The following JADE3 variants were observed in gnomAD, a reference collection of about 807,000 sequenced individuals.
JADE3 encodes jade family PHD finger 3, also known as protein Jade-3.
Under a neutral mutation model 50.1 loss-of-function variants are expected in JADE3, and 2 were observed. The observed-to-expected ratio is 0.04, with a 90% CI of 0.02 to 0.13. The LOEUF (loss-of-function observed/expected upper bound fraction) is 0.13. Ranked by LOEUF, JADE3 falls within the 10% of genes least tolerant of loss-of-function variation. The pLI, the probability that JADE3 is intolerant of heterozygous loss-of-function variation, is 1.00. For synonymous variants in JADE3, 218 were observed against 232.9 expected, an observed-to-expected ratio of 0.94 and a Z score of 0.58; for missense variants, 475 against 634.4, an observed-to-expected ratio of 0.75 and a Z score of 2.70.
chrX:46,947,181 G>A (rs1057219887), intron 1 of JADE3, among the ~76,000 whole-genome samples: 2 of 111,021 alleles, frequency 1.8e-5, no homozygotes, highest in East Asian at 2.8e-4. Context: ...CACCATGCCC[G>A]GCTAATTTTT....
At chrX:46,974,277 A>T (rs1162594031) in intron 1 of JADE3, among the ~76,000 whole-genome samples, 1 of 107,963 alleles carries the variant, frequency 9.3e-6, no homozygotes. Context: ...GTGGTGGCGC[A>T]TGCCTGTAGT....
intron 4 of JADE3, among the ~76,000 whole-genome samples, chrX:47,006,592 G>A (rs1556360407): frequency 9.3e-6 from 1 of 107,668 alleles, no homozygotes; most frequent in Non-Finnish European, 1.9e-5. Context: ...GAGCCAATGC[G>A]CCCAGCCCAT....
intron 1 of JADE3, among the ~76,000 whole-genome samples, chrX:46,923,203 G>C (rs1182474382): frequency 1.9e-5 from 2 of 107,378 alleles, no homozygotes; most frequent in African/African-American, 6.7e-5. Context: ...TTGTAGAGAT[G>C]GGGTTTCACC....
intron 8 of JADE3, among the ~76,000 whole-genome samples, chrX:47,053,375 C>G (rs1929561386): frequency 9.0e-6 from 1 of 111,144 alleles, no homozygotes; most frequent in South Asian, 3.9e-4. Context: ...TCTCATGCCT[C>G]AGCCTCCCAA....
In JADE3 at chrX:47,058,488, C is replaced by T. The variant is rs782535172; in HGVS notation, c.1883C>T (p.Ser628Leu). Residue 628 changes from serine to leucine, a missense_variant, in exon 11 of 11, where the codon TCG becomes TTG. Ser to Leu is a moderately radical substitution (Grantham distance 145). Transcript: ENST00000614628. ...ESSPAWRTPS[S>L]ECYHGQSLGK... Reference sequence around the variant, plus strand: ...AGTCCTGCTTGGAGAACCCCGTCCTCGGAGTGCTATCATGGGCAGTCACTG... The same window carrying T: ...AGTCCTGCTTGGAGAACCCCGTCCTTGGAGTGCTATCATGGGCAGTCACTG... 2.3e-5 allele frequency: 28 copies of T among 1,209,462 alleles called. No homozygotes were observed. In the Middle Eastern group the frequency reaches 6.9e-4, roughly 30 times the overall value.
At chrX:47,039,578 T>A (rs982681367) in intron 8 of JADE3, among the ~76,000 whole-genome samples, 37 of 110,691 alleles carry the variant, frequency 3.3e-4, no homozygotes, top group African/African-American at 1.2e-3. Context: ...CCTCTAGTAA[T>A]CCCCACTGTC....
intron 1 of JADE3, among the ~76,000 whole-genome samples, chrX:46,919,989 A>G: frequency 9.0e-6 from 1 of 110,958 alleles, no homozygotes; most frequent in Non-Finnish European, 1.9e-5. Context: ...CTAAGGGTCA[A>G]TCAAGAATAT....
chrX:46,962,838 ATTTT>A (rs782434225), intron 1 of JADE3, among the ~76,000 whole-genome samples: 1 of 83,408 alleles, frequency 1.2e-5, no homozygotes. Flanking sequence ...ATATAAACTA[ATTTT>A]TTTTTTTTTT....
intron 3 of JADE3, among the ~76,000 whole-genome samples, chrX:46,996,330 C>A (rs782246606): frequency 8.9e-6 from 1 of 112,319 alleles, no homozygotes; most frequent in Admixed American, 9.4e-5. Context: ...CCACTGCACC[C>A]GGCCAGGTTT....
rs200908034 is a variant in JADE3 at position 47,059,119 on chromosome X, A to T, written c.*42A>T. On this transcript the variant is annotated 3_prime_UTR_variant, in exon 11 of 11. Transcript: ENST00000614628. ...ATGACCCAACCTTTGCCTTTGCCCC[A>T]TATATTGGGGAAAACCCATACACCA... 4 of 1,015,831 alleles carry T rather than the reference A, an allele frequency of 3.9e-6. No homozygotes were observed. Among genetic ancestry groups the T allele is most frequent in the Non-Finnish European group, 5.3e-6 (4 of 755,705 alleles). 83.7% of individuals were successfully genotyped at this position (1,015,831 alleles called of 1,213,427 possible). A position where few individuals can be genotyped will look rare whatever the true frequency, so the allele number is the denominator to read the frequency against.
At chrX:46,945,581 T>C (rs1926869302) in intron 1 of JADE3, among the ~76,000 whole-genome samples, 1 of 111,532 alleles carries the variant, frequency 9.0e-6, no homozygotes, top group Non-Finnish European at 1.9e-5. Context: ...CTAGTGTCTG[T>C]GCTAAGGTTC....
At chrX:47,001,041 G>A (rs1316315435) in intron 4 of JADE3, among the ~76,000 whole-genome samples, 1 of 111,377 alleles carries the variant, frequency 9.0e-6, no homozygotes, top group Non-Finnish European at 1.9e-5. Context: ...CCTATCATAC[G>A]AAACTCTTAA....
chrX:46,920,567 G>A (rs1556337503), intron 1 of JADE3, among the ~76,000 whole-genome samples: 1 of 112,466 alleles, frequency 8.9e-6, no homozygotes. Flanking sequence ...CAGTTTATTG[G>A]GGTAAATACG....
intron 5 of JADE3, among the ~76,000 whole-genome samples, chrX:47,026,459 T>C (rs1928910517): frequency 9.0e-6 from 1 of 111,509 alleles, no homozygotes; most frequent in South Asian, 3.8e-4. Flanking sequence ...ACTGGTACAT[T>C]ACTGTTAACT....
intron 1 of JADE3, among the ~76,000 whole-genome samples, chrX:46,978,962 G>T (rs989471147): frequency 1.8e-5 from 2 of 112,386 alleles, no homozygotes; most frequent in African/African-American, 6.5e-5. Context: ...ATTGTTTTCT[G>T]TCATTTTCCT....
intron 1 of JADE3, among the ~76,000 whole-genome samples, chrX:46,917,834 C>CTCTCTCTCTCT (rs1556336773): frequency 2.4e-5 from 1 of 42,545 alleles, no homozygotes; most frequent in Non-Finnish European, 4.2e-5. Flanking sequence ...TCTCTCTCAT[C>CTCTCTCTCTCT]CTCTCTCTCT....
Position 47,058,376 on chromosome X carries a change from A to G in JADE3, c.1771A>G (p.Lys591Glu). Residue 591 changes from lysine (K) to glutamate (E), a missense_variant, in exon 11 of 11, where the codon AAA becomes GAA. This residue lies in a region of JADE3 where 243 missense variants were observed against 238.2 expected (regional missense o/e 1.02). Coordinates refer to ENST00000614628, the MANE Select transcript of JADE3 (RefSeq NM_014735.5). ...VPQESLEMRTKSYPRYPLESK... is the reference protein window; with the variant it reads ...VPQESLEMRTESYPRYPLESK... ...TCAGGAGTCACTAGAAATGAGAACA[A>G]AATCGTATCCGAGATACCCACTAGA... 1 of 1,210,876 alleles carries G rather than the reference A, an allele frequency of 8.3e-7. No individual in the cohort carries two copies. The highest frequency in any genetic ancestry group is 1.1e-6 in the Non-Finnish European group (1 of 895,068).
At chrX:46,915,891 C>G (rs930969821) in intron 1 of JADE3, among the ~76,000 whole-genome samples, 3 of 111,460 alleles carry the variant, frequency 2.7e-5, no homozygotes, top group African/African-American at 6.5e-5. Context: ...GGGCTTTGAC[C>G]AATAGGAAAC....
At chrX:46,999,487 A>ACATATATATACATATATAAC (rs1556358444) in intron 4 of JADE3, among the ~76,000 whole-genome samples, 12 of 103,176 alleles carry the variant, frequency 1.2e-4, no homozygotes, top group African/African-American at 2.1e-4. Context: ...ATATATATAA[A>ACATATATATACATATATAAC]ATAGGGTCTT....
Sources: gnomAD v4.1 joint callset for allele counts (sites outside exome capture counted in the v4.1 genomes callset) on GRCh38, gnomAD v4.1.1 for gene constraint, gnomAD v4.1.1 regional missense constraint, MANE v1.5 for transcripts, NCBI Gene and HGNC (gene_info 2026-07-23, HGNC 2026-07-21) for gene names.